Variants in YES1 observed in about 807,000 individuals in gnomAD.
YES1 encodes the protein YES proto-oncogene 1, Src family tyrosine kinase.
In YES1, 39 loss-of-function variants were observed where a neutral mutation model predicts 70.4. That is an observed-to-expected ratio of 0.55 (90% CI 0.43 to 0.72). The LOEUF is 0.72. Among genes scored for constraint, YES1 ranks in the 30% least tolerant of loss-of-function variants. The pLI, the probability that YES1 is intolerant of heterozygous loss-of-function variation, is 0.00. For missense variants in YES1, 495 were observed against 644.8 expected (o/e 0.77, Z 2.52); for synonymous variants, 198 against 218.6 (o/e 0.91, Z 0.83).
Position 756,713 on chromosome 18 carries a change from C to A in YES1, c.115G>T (p.Val39Leu). Residue 39 changes from valine to leucine, a missense_variant, in exon 2 of 12, where the codon GTG (valine) becomes TTG (leucine). Val to Leu is a conservative substitution (Grantham distance 32, BLOSUM62 1). Around this residue, in one of 2 missense-constraint regions of YES1, gnomAD observed 110 missense variants for 104.0 expected, o/e 1.06. Coordinates refer to ENST00000314574, the MANE Select transcript of YES1 (RefSeq NM_005433.4). ...VSHYGAEPTT[V>L]SPCPSSSAKG... ...GCTGAAGATGACGGACATGGTGACA[C>A]TGTAGTGGGTTCTGCTCCATAATGG... 6.2e-7 allele frequency: 1 copy of A among 1,614,200 alleles called. No homozygotes were observed. The highest frequency in any genetic ancestry group is 2.2e-5 in the East Asian group (1 of 44,886).
chr18:768,829 A>T (rs2059373949), intron 1 of YES1, among the ~76,000 whole-genome samples: 1 of 151,954 alleles, frequency 6.6e-6, no homozygotes. Flanking sequence ...CAGCCTCCCG[A>T]GTAGCTCGGA....
chr18:762,308 G>A lies in YES1; in HGVS notation c.-8-5473C>T, dbSNP rs538709899. 1.4e-4 allele frequency among the ~76,000 whole-genome samples: 21 copies of A among 152,092 alleles called. 1 individual carries two copies. The highest frequency in any genetic ancestry group is 1.0e-3 in the South Asian group (5 of 4,806). On this transcript the variant is annotated intron_variant, in intron 1 of 11. Transcript: ENST00000314574. ...GCACTCCAGCCTGGGCAACAAGAGC[G>A]AAACTCCATCTCAAAAAAAAGAAAA...
chr18:793,832 C>T (rs1442390777), intron 1 of YES1, among the ~76,000 whole-genome samples: 1 of 152,068 alleles, frequency 6.6e-6, no homozygotes, highest in South Asian at 2.1e-4. Flanking sequence ...GAGGCTCTTG[C>T]TGACCAAACA....
At chr18:782,440 G>A (rs1455527865) in intron 1 of YES1, among the ~76,000 whole-genome samples, 1 of 152,144 alleles carries the variant, frequency 6.6e-6, no homozygotes, top group African/African-American at 2.4e-5. Context: ...TGAACCATGA[G>A]ATGATAGGAA....
At chr18:730,728 T>A (rs560528207) in intron 11 of YES1, among the ~76,000 whole-genome samples, 1 of 152,312 alleles carries the variant, frequency 6.6e-6, no homozygotes, top group East Asian at 1.9e-4. Flanking sequence ...CTTTTACATA[T>A]TTTATTTAAC....
intron 1 of YES1, among the ~76,000 whole-genome samples, chr18:809,202 G>A (rs1351859765): frequency 1.3e-5 from 2 of 152,136 alleles, no homozygotes; most frequent in Non-Finnish European, 2.9e-5. Context: ...TGTGTCTTCT[G>A]TGAAAATATT....
intron 3 of YES1, among the ~76,000 whole-genome samples, chr18:751,415 A>C (rs996768880): frequency 6.6e-6 from 1 of 152,146 alleles, no homozygotes; most frequent in African/African-American, 2.4e-5. Flanking sequence ...CTCTTTATAA[A>C]GTTTTTTAAA....
Position 809,809 on chromosome 18 carries a change from A to AT in YES1, c.-9+2304dup, listed in dbSNP as rs1907281631. ...CATGTAAAATAAAACATAGAAACAG[A>AT]TTCTGCACACAAACGTAGGGCTTAA... On this transcript the variant is annotated intron_variant, in intron 1 of 11. Transcript: ENST00000314574. 2.0e-5 allele frequency among the ~76,000 whole-genome samples: 3 copies of AT among 152,162 alleles called. No homozygotes were observed. The South Asian group carries it at 6.2e-4, about 31-fold the overall frequency.
At chr18:787,505 T>C (rs898752008) in intron 1 of YES1, among the ~76,000 whole-genome samples, 2 of 151,862 alleles carry the variant, frequency 1.3e-5, no homozygotes, top group African/African-American at 4.8e-5. Flanking sequence ...AGGTCAGGAG[T>C]TCGAGACCAA....
chr18:796,255 G>A (rs1042307834), intron 1 of YES1, among the ~76,000 whole-genome samples: 2 of 152,100 alleles, frequency 1.3e-5, no homozygotes, highest in Non-Finnish European at 2.9e-5. Flanking sequence ...CAGTCCTAGC[G>A]TGTAATTTGA....
chr18:804,503 G>A (rs1906985179), intron 1 of YES1, among the ~76,000 whole-genome samples: 1 of 151,362 alleles, frequency 6.6e-6, no homozygotes, highest in South Asian at 2.1e-4. Flanking sequence ...CAGCTACTGA[G>A]GAGGCTGAGG....
chr18:761,429 T>C (rs1187886396), intron 1 of YES1, among the ~76,000 whole-genome samples: 1 of 152,146 alleles, frequency 6.6e-6, no homozygotes, highest in Non-Finnish European at 1.5e-5. Flanking sequence ...AATACTGTAA[T>C]TTAAATTCTG....
chr18:779,698 T>G (rs1047734015), intron 1 of YES1, among the ~76,000 whole-genome samples: 4 of 152,130 alleles, frequency 2.6e-5, no homozygotes, highest in African/African-American at 4.8e-5. Context: ...TATACCTATC[T>G]CAAGAATCTT....
In YES1 at chr18:724,341, TTTC is replaced by T. The variant is rs2079992578; in HGVS notation, c.*80_*82del. The T allele has an allele frequency of 3.0e-6, 4 of 1,315,164 alleles. No homozygotes were observed. The highest frequency in any genetic ancestry group is 2.3e-5 in the Admixed American group (1 of 43,814). The allele number at this position is 1,315,164 out of a possible 1,614,324, so 81.5% of individuals were successfully genotyped here. On this transcript the variant is annotated 3_prime_UTR_variant, in exon 12 of 12. Coordinates refer to ENST00000314574, the MANE Select transcript of YES1 (RefSeq NM_005433.4). Reference sequence around the variant, plus strand: ...TAAAAACATGCAGAGTAAAGAAGATTTTCTTCTTTTGATTCCTGTAGAAAATCT... The same window carrying T: ...TAAAAACATGCAGAGTAAAGAAGATTTTCTTTTGATTCCTGTAGAAAATCT...
intron 1 of YES1, among the ~76,000 whole-genome samples, chr18:760,765 A>C (rs1904551053): frequency 6.6e-6 from 1 of 152,220 alleles, no homozygotes. Flanking sequence ...AAGTTGGAAA[A>C]GTCTTTTAAA....
chr18:787,337 G>T (rs1906014461), intron 1 of YES1, among the ~76,000 whole-genome samples: 1 of 150,890 alleles, frequency 6.6e-6, no homozygotes, highest in Non-Finnish European at 1.5e-5. Flanking sequence ...GACCTCAGGT[G>T]GTCCGCCCGC....
At chr18:781,291 A>G (rs1167460369) in intron 1 of YES1, among the ~76,000 whole-genome samples, 1 of 149,790 alleles carries the variant, frequency 6.7e-6, no homozygotes, top group Non-Finnish European at 1.5e-5. Flanking sequence ...AAAAAATAAG[A>G]GGGCCTTGTA....
chr18:798,571 C>T (rs1906659178), intron 1 of YES1, among the ~76,000 whole-genome samples: 1 of 152,188 alleles, frequency 6.6e-6, no homozygotes. Context: ...TAGCTCCACC[C>T]TAATTTCTAC....
At position 731,024 on chromosome 18, in the gene YES1, G is replaced by A. The variant is rs192952478; in HGVS notation, c.1423+1810C>T. On this transcript the variant is annotated intron_variant, in intron 11 of 11. Transcript: ENST00000314574. ...AGGAGTAGAATTGTTTCATGAAGGGGGTGAGAAGCAGGAAAAGGTGGCAGA... is the reference window on the plus strand; with the variant it reads ...AGGAGTAGAATTGTTTCATGAAGGGAGTGAGAAGCAGGAAAAGGTGGCAGA... 1.8e-3 allele frequency among the ~76,000 whole-genome samples: 271 copies of A among 152,272 alleles called. 2 individuals are homozygous for A. Among genetic ancestry groups the A allele is most frequent in the East Asian group, 5.8e-4 (3 of 5,182 alleles).
Sources: gnomAD v4.1 joint callset for allele counts (sites outside exome capture counted in the v4.1 genomes callset) on GRCh38, gnomAD v4.1.1 for gene constraint, gnomAD v4.1.1 regional missense constraint, MANE v1.5 for transcripts, NCBI Gene and HGNC (gene_info 2026-07-23, HGNC 2026-07-21) for gene names.